The following KIAA1671 variants were observed in gnomAD, a reference collection of about 807,000 sequenced individuals.
KIAA1671 encodes the protein KIAA1671, also known as uncharacterized protein KIAA1671.
KIAA1671 carries 52 observed loss-of-function variants against 131.2 expected under a neutral mutation model. That is an observed-to-expected ratio of 0.40 (90% CI 0.32 to 0.50). The LOEUF (loss-of-function observed/expected upper bound fraction) is 0.50, where lower values mean the gene tolerates loss of function less well. KIAA1671 is among the 20% of genes least tolerant of loss of function. KIAA1671 has a pLI of 0.73. For synonymous variants in KIAA1671, 1,003 were observed against 961.6 expected (o/e 1.04, Z -0.80); for missense variants, 2,360 against 2,364.2 (o/e 1.00, Z 0.04).
At chr22:25,182,418 T>TA (rs1026633156) in intron 10 of KIAA1671, among the ~76,000 whole-genome samples, 4 of 151,696 alleles carry the variant, frequency 2.6e-5, no homozygotes, top group African/African-American at 9.7e-5. Context: ...CATCCTTTTT[T>TA]ATCCTTCTTT....
At chr22:25,004,713 G>A (rs960313021) in intron 1 of KIAA1671, among the ~76,000 whole-genome samples, 2 of 152,218 alleles carry the variant, frequency 1.3e-5, no homozygotes, top group South Asian at 2.1e-4. Flanking sequence ...TTGGGAGGCC[G>A]AGGCGGGCAG....
chr22:25,059,764 C>A (rs925560483), intron 6 of KIAA1671: 19 of 152,178 alleles, frequency 1.2e-4, no homozygotes, highest in African/African-American at 4.3e-4. Flanking sequence ...GGCAACAGTA[C>A]CTTGCTGCCC....
chr22:25,122,582 C>T (rs1319168017), intron 6 of KIAA1671, among the ~76,000 whole-genome samples: 5 of 152,184 alleles, frequency 3.3e-5, no homozygotes, highest in African/African-American at 1.2e-4. Flanking sequence ...CTGTTTTCTT[C>T]CATCTCAGCT....
At chr22:24,977,605 C>T (rs1266646544) in intron 1 of KIAA1671, among the ~76,000 whole-genome samples, 1 of 152,224 alleles carries the variant, frequency 6.6e-6, no homozygotes, top group Non-Finnish European at 1.5e-5. Context: ...CCCCACGGGT[C>T]TGATGTGCTG....
rs1301261207 is a variant in KIAA1671, at chr22:25,125,567, G to C, written c.4531-45253G>C. Among the ~76,000 whole-genome samples the C allele has an allele frequency of 2.0e-5, 3 of 151,650 alleles. No individual in the cohort carries two copies. The South Asian group carries it at 6.3e-4, about 32-fold the overall frequency. On this transcript the variant is annotated intron_variant, in intron 6 of 12. Coordinates refer to ENST00000358431, the MANE Select transcript of KIAA1671 (RefSeq NM_001145206.2). ...GGTGTAGAACTGGGTTTCACACCAT[G>C]GTGACATTGACGTTCGGGGCTGGAT...
chr22:25,028,297 G>A lies in KIAA1671; in HGVS notation c.298G>A (p.Glu100Lys). 6.4e-7 allele frequency: 1 copy of A among 1,551,230 alleles called. No homozygotes were observed. Among genetic ancestry groups the A allele is most frequent in the South Asian group, 1.2e-5 (1 of 84,066 alleles). The change falls in exon 3 of 13, where the codon GAG becomes AAG. Residue 100 changes from glutamate to lysine, a missense_variant. Glu to Lys is a moderately conservative substitution (Grantham distance 56, BLOSUM62 1). Coordinates refer to ENST00000358431, the MANE Select transcript of KIAA1671 (RefSeq NM_001145206.2). Reference protein sequence around the residue: ...GPSPSGGLSEEPAAKDLDNRM... With the variant: ...GPSPSGGLSEKPAAKDLDNRM... ...TTCCCCCTCTGGGGGGCTCTCTGAGGAGCCAGCAGCAAAGGATCTGGACAA... is the reference window on the plus strand; with the variant it reads ...TTCCCCCTCTGGGGGGCTCTCTGAGAAGCCAGCAGCAAAGGATCTGGACAA...
intron 1 of KIAA1671, among the ~76,000 whole-genome samples, chr22:24,968,800 A>T (rs1922442799): frequency 6.6e-6 from 1 of 152,034 alleles, no homozygotes; most frequent in Admixed American, 6.6e-5. Context: ...TGGGCATGAG[A>T]TGACTCTCTT....
chr22:25,083,430 TG>T (rs35735932), intron 6 of KIAA1671, among the ~76,000 whole-genome samples: 41,167 of 151,996 alleles, frequency 0.27, 6,901 homozygotes, highest in African/African-American at 0.48. Flanking sequence ...TATGTGAATT[TG>T]GGGGGAATAT....
intron 11 of KIAA1671, among the ~76,000 whole-genome samples, chr22:25,189,409 G>A (rs1382977818): frequency 2.6e-5 from 4 of 152,054 alleles, no homozygotes; most frequent in East Asian, 1.9e-4. Flanking sequence ...TCCTGACCTC[G>A]TGATCCGCCC....
At chr22:24,998,924 T>G (rs1156384138) in intron 1 of KIAA1671, among the ~76,000 whole-genome samples, 1 of 151,964 alleles carries the variant, frequency 6.6e-6, no homozygotes, top group Non-Finnish European at 1.5e-5. Context: ...TGATGGACAT[T>G]TGAGTGGTTT....
chr22:25,109,116 T>C (rs1319353264), intron 6 of KIAA1671, among the ~76,000 whole-genome samples: 1 of 145,716 alleles, frequency 6.9e-6, no homozygotes, highest in Non-Finnish European at 1.5e-5. Context: ...TATCACTTCT[T>C]TTTTTTTTTT....
At chr22:25,034,679 G>A (rs963908031) in intron 4 of KIAA1671, among the ~76,000 whole-genome samples, 3 of 151,704 alleles carry the variant, frequency 2.0e-5, no homozygotes, top group Admixed American at 1.3e-4. Flanking sequence ...TTGTGGACAA[G>A]GCTTTGTAAG....
chr22:25,135,658 A>G (rs957593829), intron 6 of KIAA1671, among the ~76,000 whole-genome samples: 2 of 152,346 alleles, frequency 1.3e-5, no homozygotes, highest in South Asian at 2.1e-4. Context: ...ATGTTATTAT[A>G]ATAAAATGGC....
intron 1 of KIAA1671, among the ~76,000 whole-genome samples, chr22:24,969,068 T>A (rs979302024): frequency 2.6e-5 from 4 of 152,086 alleles, no homozygotes; most frequent in Admixed American, 6.6e-5. Flanking sequence ...CCGGCTAATT[T>A]TTAAAATTTT....
chr22:24,992,540 C>T (rs539924826), intron 1 of KIAA1671, among the ~76,000 whole-genome samples: 1 of 152,186 alleles, frequency 6.6e-6, no homozygotes, highest in South Asian at 2.1e-4. Context: ...AATGGCCAGG[C>T]GTGGTGGCTC....
At chr22:24,960,130 C>CAAATAAAT (rs56860953) in intron 1 of KIAA1671, among the ~76,000 whole-genome samples, 4,381 of 146,964 alleles carry the variant, frequency 0.03, 142 homozygotes, top group African/African-American at 0.086. Context: ...GACTCCGTCT[C>CAAATAAAT]AAATAAATAA....
rs73157961 is a variant in KIAA1671, at chr22:24,989,232, C to T, written c.-207-36401C>T. Among the ~76,000 whole-genome samples, 680 of 152,318 alleles carry T rather than the reference C, an allele frequency of 4.5e-3. 3 individuals are homozygous for T. The highest frequency in any genetic ancestry group is 6.8e-3 in the Middle Eastern group (2 of 294). On this transcript the variant is annotated intron_variant, in intron 1 of 12. Transcript: ENST00000358431. ...GTCACTGAATTCATCTTGGCCACCC[C>T]GTCTCCCACCTGGAGGATGGCAGGA... is the stretch of plus-strand genomic sequence containing the variant.
At chr22:24,983,838 G>A (rs1923364996) in intron 1 of KIAA1671, among the ~76,000 whole-genome samples, 1 of 150,712 alleles carries the variant, frequency 6.6e-6, no homozygotes, top group Non-Finnish European at 1.5e-5. Flanking sequence ...GAGTGCAATG[G>A]TGCGATCTCG....
In KIAA1671 at chr22:25,041,178, C is replaced by T. The variant is rs1176438353; in HGVS notation, c.4048C>T (p.Pro1350Ser). 2 of 1,551,646 alleles carry T rather than the reference C, an allele frequency of 1.3e-6. No homozygotes were observed. The highest frequency in any genetic ancestry group is 2.7e-5 in the African/African-American group (2 of 73,070). The change falls in exon 5 of 13, where the codon CCC becomes TCC. Residue 1350 changes from proline to serine, a missense_variant. Physicochemically the swap from Pro to Ser is moderately conservative, Grantham distance 74. Coordinates refer to ENST00000358431, the MANE Select transcript of KIAA1671 (RefSeq NM_001145206.2). ...KCQNYLAESK[P>S]SGREDPGSGV... ...TCAGAATTACCTGGCTGAGTCAAAG[C>T]CCTCTGGTCGGGAGGATCCAGGCAG...
Sources: gnomAD v4.1 joint callset for allele counts (sites outside exome capture counted in the v4.1 genomes callset) on GRCh38, gnomAD v4.1.1 for gene constraint, MANE v1.5 for transcripts, NCBI Gene and HGNC (gene_info 2026-07-23, HGNC 2026-07-21) for gene names.